Variants in RNF31 observed in about 807,000 individuals in gnomAD.
The protein encoded by RNF31 is ring finger protein 31.
RNF31 carries 38 observed loss-of-function variants against 133.6 expected under a neutral mutation model. That is an observed-to-expected ratio of 0.28 (90% CI 0.22 to 0.37). The LOEUF (loss-of-function observed/expected upper bound fraction) is 0.37, where lower values mean the gene tolerates loss of function less well. Ranked by LOEUF, RNF31 falls within the 10% of genes least tolerant of loss-of-function variation. The pLI is 1.00. For synonymous variants in RNF31, 582 were observed against 552.3 expected, an observed-to-expected ratio of 1.05 and a Z score of -0.75; for missense variants, 1,118 against 1,394.1, an observed-to-expected ratio of 0.80 and a Z score of 3.15.
In RNF31 at chr14:24,148,822, G is replaced by C; in HGVS notation, c.577G>C (p.Asp193His). 6.2e-7 allele frequency: 1 copy of C among 1,614,076 alleles called. No individual in the cohort carries two copies. Among genetic ancestry groups the C allele is most frequent in the Non-Finnish European group, 8.5e-7 (1 of 1,180,014 alleles). The part of the protein sequence containing the change: ...EDDMLQLSEF[D>H]PLLREIAPGP... ...TCAGATGCTGCAGCTTTCAGAATTT[G>C]ACCCCCTATTGAGAGAGATTGCTCC... Residue 193 changes from aspartate to histidine, a missense_variant, in exon 5 of 21, where the codon GAC becomes CAC. Coordinates refer to ENST00000324103, the MANE Select transcript of RNF31 (RefSeq NM_017999.5).
At chr14:24,152,968 C>T (rs1462420483) in intron 11 of RNF31, among the ~76,000 whole-genome samples, 1 of 151,914 alleles carries the variant, frequency 6.6e-6, no homozygotes, top group Non-Finnish European at 1.5e-5. Flanking sequence ...GTAGTCCCAG[C>T]TACTCAGGAG....
At position 24,159,938 on chromosome 14, in the gene RNF31, G is replaced by C. The variant is rs1451774375; in HGVS notation, c.2974G>C (p.Ala992Pro). 6.2e-7 allele frequency: 1 copy of C among 1,613,850 alleles called. No homozygotes were observed. Among genetic ancestry groups the C allele is most frequent in the African/African-American group, 1.3e-5 (1 of 74,956 alleles). The change falls in exon 19 of 21, where the codon GCT (alanine) becomes CCT (proline). Residue 992 changes from alanine (A) to proline (P), a missense_variant. Ala to Pro is a conservative substitution (Grantham distance 27). Coordinates refer to ENST00000324103, the MANE Select transcript of RNF31 (RefSeq NM_017999.5). ...CGAAGCTTGTGGCAAGGAAACTCCA[G>C]CTGGCTATGCCGGCCTGTGCCAGTG... ...RDEACGKETP[A>P]GYAGLCQAHY... is the part of the protein sequence containing the mutation.
At chr14:24,159,560 A>G (rs765466286) in intron 18 of RNF31, among the ~76,000 whole-genome samples, 24 of 146,434 alleles carry the variant, frequency 1.6e-4, no homozygotes, top group Admixed American at 4.1e-4. Context: ...TAATAAGTTA[A>G]CTAGTCAAGA....
rs374535403 is a variant in RNF31, at chr14:24,157,933, C to T, written c.2763C>T (p.Ser921=). 3.1e-6 allele frequency: 5 copies of T among 1,614,116 alleles called. No individual in the cohort carries two copies. In the African/African-American group the frequency reaches 6.7e-5, roughly 22 times the overall value. ...CPEPNCRVKK[S]LHGHHPRDCL... ...AGCCTAACTGCAGGGTGAAAAAGTC[C>T]CTGCACGGCCACCACCCTCGAGACT... The change falls in exon 17 of 21, where the codon TCC becomes TCT. Residue 921 remains serine, a synonymous_variant. Transcript: ENST00000324103.
Position 24,158,215 on chromosome 14 carries a change from A to G in RNF31, c.2899+16A>G. The stretch of plus-strand genomic sequence containing the variant: ...GTCCCTGGAGGTGAGTGTTAGGACA[A>G]GCCTTTGAGAAGAGGAGATGGTGTG... On this transcript the variant is annotated intron_variant, in intron 18 of 20. Transcript: ENST00000324103. The G allele has an allele frequency of 6.2e-7, 1 of 1,613,198 alleles. No homozygotes were observed. Among genetic ancestry groups the G allele is most frequent in the African/African-American group, 1.3e-5 (1 of 75,058 alleles).
intron 18 of RNF31, 136 bp downstream of exon 18, chr14:24,158,335 G>C: frequency 2.6e-6 from 2 of 758,988 alleles, no homozygotes; most frequent in Non-Finnish European, 4.3e-6. Flanking sequence ...CCAAGGCCTT[G>C]TTTCTTCCGC....
chr14:24,156,022 CA>C (rs953135023), intron 14 of RNF31, among the ~76,000 whole-genome samples: 1 of 152,192 alleles, frequency 6.6e-6, no homozygotes, highest in African/African-American at 2.4e-5. Flanking sequence ...GTAGAGAGGT[CA>C]GACAAGTCTT....
intron 18 of RNF31, among the ~76,000 whole-genome samples, chr14:24,159,605 A>C (rs1355311439): frequency 6.7e-6 from 1 of 149,240 alleles, no homozygotes; most frequent in Non-Finnish European, 1.5e-5. Flanking sequence ...AAAAAAAAAA[A>C]ACACTATCTC....
At chr14:24,150,965 A>G (rs1177314521) in intron 8 of RNF31, 77 bp downstream of exon 8, 141 of 1,514,052 alleles carry the variant, frequency 9.3e-5, no homozygotes, top group African/African-American at 2.2e-4. Flanking sequence ...AATAGTTTCT[A>G]TGAATCTTGT....
At position 24,160,338 on chromosome 14, in the gene RNF31, C is replaced by T. The variant is rs1207979270; in HGVS notation, c.3096C>T (p.Arg1032=). 1.2e-6 allele frequency: 2 copies of T among 1,614,206 alleles called. No homozygotes were observed. The highest frequency in any genetic ancestry group is 1.6e-4 in the Middle Eastern group (1 of 6,062). ...EVEELETATE[R]YLHVRPQPLA... ...AAGAGCTGGAGACGGCCACTGAGCG[C>T]TACCTGCACGTACGCCCCCAGCCTT... The change falls in exon 20 of 21, where the codon CGC becomes CGT. Residue 1032 remains arginine, a synonymous_variant. Coordinates refer to ENST00000324103, the MANE Select transcript of RNF31 (RefSeq NM_017999.5). This position sits in a 1 kb window ranked among gnomAD's most constrained non-coding sequence, Gnocchi z 4.0.
chr14:24,149,999 G>T, intron 6 of RNF31, 62 bp from the exon 7 acceptor site: 1 of 1,508,980 alleles, frequency 6.6e-7, no homozygotes, highest in Non-Finnish European at 8.8e-7. Flanking sequence ...AGAATGCTTA[G>T]AGGTGAGGGA....
In RNF31 at chr14:24,155,410, C is replaced by T. The variant is rs1259587722; in HGVS notation, c.2305-4C>T. The T allele has an allele frequency of 1.2e-6, 2 of 1,614,206 alleles. No homozygotes were observed. The highest frequency in any genetic ancestry group is 1.1e-5 in the South Asian group (1 of 91,088). On this transcript the variant is annotated splice_region_variant and splice_polypyrimidine_tract_variant and intron_variant, in intron 12 of 20. Transcript: ENST00000324103. This position sits in a 1 kb window ranked among gnomAD's most constrained non-coding sequence, Gnocchi z 4.9. ...CACCCACCACCTCTGCATCCTGTCC[C>T]CAGCTTCGCGAGAGCCTAGAGCCAG...
Position 24,158,165 on chromosome 14 carries a change from A to G in RNF31, c.2865A>G (p.Thr955=), listed in dbSNP as rs756972374. The change falls in exon 18 of 21, where the codon ACA becomes ACG. Residue 955 remains threonine (T), a synonymous_variant. Coordinates refer to ENST00000324103, the MANE Select transcript of RNF31 (RefSeq NM_017999.5). ...AGGACAATAACGTCATGTTTAATAC[A>G]GAGCCTCCAGCTGGGGCCCGGGCAG... ...LLQDNNVMFN[T]EPPAGARAVP... is the part of the protein sequence containing the mutation. 3 of 1,614,116 alleles carry G rather than the reference A, an allele frequency of 1.9e-6. No homozygotes were observed. The highest frequency in any genetic ancestry group is 1.3e-5 in the African/African-American group (1 of 74,944).
intron 5 of RNF31, 162 bp downstream of exon 5, chr14:24,149,038 A>G: frequency 2.9e-6 from 2 of 701,208 alleles, no homozygotes; most frequent in South Asian, 3.4e-5. Context: ...ATCTCCGCTC[A>G]CCGCAACCTC....
intron 18 of RNF31, among the ~76,000 whole-genome samples, chr14:24,159,584 C>CAAAAAAAAAAAAAAAAAA (rs59295225): frequency 7.3e-5 from 6 of 82,188 alleles, no homozygotes; most frequent in Non-Finnish European, 1.0e-4. Context: ...AAATAACAAC[C>CAAAAAAAAAAAAAAAAAA]AAAAAAAAAA....
Position 24,155,746 on chromosome 14 carries a change from T to C in RNF31, c.2493+54T>C, listed in dbSNP as rs940414360. ...CTTGCTGAGCTACTGCCAGGTACTG[T>C]GTTAGACTCAGGGGAGTTTGTGTAC... On this transcript the variant is annotated intron_variant, in intron 14 of 20. Coordinates refer to ENST00000324103, the MANE Select transcript of RNF31 (RefSeq NM_017999.5). The surrounding 1 kb of genome is among the most constrained non-coding windows in gnomAD (Gnocchi z 4.9). The C allele has an allele frequency of 2.0e-6, 3 of 1,511,490 alleles. No homozygotes were observed. Among genetic ancestry groups the C allele is most frequent in the African/African-American group, 2.7e-5 (2 of 72,958 alleles). 93.6% of individuals were successfully genotyped at this position (1,511,490 alleles called of 1,614,324 possible).
At position 24,152,008 on chromosome 14, in the gene RNF31, C is replaced by G; in HGVS notation, c.2130+16C>G. 1 of 1,611,142 alleles carries G rather than the reference C, an allele frequency of 6.2e-7. No individual in the cohort carries two copies. The highest frequency in any genetic ancestry group is 8.5e-7 in the Non-Finnish European group (1 of 1,178,198). On this transcript the variant is annotated intron_variant, in intron 11 of 20. Coordinates refer to ENST00000324103, the MANE Select transcript of RNF31 (RefSeq NM_017999.5). ...CCACAACCGGGTAAGTCCCTCCCCACGATACCTGGTCCAAGAATTACTCTA... is the reference window on the plus strand; with the variant it reads ...CCACAACCGGGTAAGTCCCTCCCCAGGATACCTGGTCCAAGAATTACTCTA...
intron 18 of RNF31, among the ~76,000 whole-genome samples, chr14:24,158,925 C>T (rs956616001): frequency 6.7e-5 from 10 of 148,280 alleles, no homozygotes; most frequent in South Asian, 6.5e-4. Flanking sequence ...CCCAGCTACT[C>T]GGGAGGCTGA....
At chr14:24,153,545 C>T (rs2038299580) in intron 11 of RNF31, among the ~76,000 whole-genome samples, 1 of 151,606 alleles carries the variant, frequency 6.6e-6, no homozygotes, top group Non-Finnish European at 1.5e-5. Context: ...CCACCGCACT[C>T]CAGCCTGGGC....
Sources: gnomAD v4.1 joint callset for allele counts (sites outside exome capture counted in the v4.1 genomes callset) on GRCh38, gnomAD v4.1.1 for gene constraint, Gnocchi (gnomAD v3.1) non-coding constraint, MANE v1.5 for transcripts, NCBI Gene and HGNC (gene_info 2026-07-23, HGNC 2026-07-21) for gene names.